Variants in ARHGAP6 observed in about 807,000 individuals in gnomAD.
ARHGAP6 encodes the protein rho GTPase-activating protein 6.
In ARHGAP6, 16 loss-of-function variants were observed where a neutral mutation model predicts 55.7. The ratio of observed to expected loss-of-function variants is 0.29; its 90% CI spans 0.19 to 0.44. The LOEUF (loss-of-function observed/expected upper bound fraction) is 0.44. Ranked by LOEUF, ARHGAP6 falls within the 20% of genes least tolerant of loss-of-function variation. The pLI is 1.00. For synonymous variants in ARHGAP6, 382 were observed against 360.9 expected, an observed-to-expected ratio of 1.06 and a Z score of -0.66; for missense variants, 698 against 808.9, an observed-to-expected ratio of 0.86 and a Z score of 1.66.
chrX:11,475,875 C>T (rs2147832513), intron 1 of ARHGAP6, among the ~76,000 whole-genome samples: 1 of 108,176 alleles, frequency 9.2e-6, no homozygotes, highest in East Asian at 2.9e-4. Context: ...TTTTAAAATT[C>T]CTACAAATAA....
intron 1 of ARHGAP6, among the ~76,000 whole-genome samples, chrX:11,590,874 GA>G (rs1255522298): frequency 2.0e-5 from 1 of 49,891 alleles, no homozygotes; most frequent in African/African-American, 9.3e-5. Flanking sequence ...AAGAAGGAAA[GA>G]AAGAAAGAAA....
chrX:11,367,744 A>G (rs918256997), intron 1 of ARHGAP6: 1 of 739,324 alleles, frequency 1.4e-6, no homozygotes, highest in African/African-American at 2.3e-5. Flanking sequence ...TGAATCACCC[A>G]GGAAGTTTGA....
intron 1 of ARHGAP6, among the ~76,000 whole-genome samples, chrX:11,522,218 T>C (rs1395493160): frequency 2.7e-5 from 3 of 111,182 alleles, no homozygotes; most frequent in African/African-American, 9.8e-5. Flanking sequence ...GCGGAATCTC[T>C]GGGACACATT....
chrX:11,272,597 G>A (rs967900507), intron 1 of ARHGAP6, among the ~76,000 whole-genome samples: 5 of 109,108 alleles, frequency 4.6e-5, no homozygotes, highest in African/African-American at 1.7e-4. Context: ...AGAGCATAAC[G>A]TGCCCTCATC....
intron 1 of ARHGAP6, among the ~76,000 whole-genome samples, chrX:11,507,863 G>A (rs1216018293): frequency 8.9e-6 from 1 of 112,156 alleles, no homozygotes; most frequent in Non-Finnish European, 1.9e-5. Context: ...CAGCCTCAGA[G>A]AGACTTCTAG....
chrX:11,157,979 C>G (rs1376545227), intron 9 of ARHGAP6, among the ~76,000 whole-genome samples: 1 of 112,100 alleles, frequency 8.9e-6, no homozygotes, highest in Non-Finnish European at 1.9e-5. Flanking sequence ...TACTAGACTT[C>G]ATCTCTGTTA....
chrX:11,578,723 T>A (rs5979422), intron 1 of ARHGAP6, among the ~76,000 whole-genome samples: 30,383 of 110,307 alleles, frequency 0.28, 3,260 homozygotes, highest in Middle Eastern at 0.39. Flanking sequence ...ATAAAGACAT[T>A]TGCACACGTA....
intron 1 of ARHGAP6, among the ~76,000 whole-genome samples, chrX:11,624,663 T>C (rs1320554594): frequency 8.9e-6 from 1 of 112,530 alleles, no homozygotes; most frequent in Admixed American, 9.4e-5. Context: ...GCCATTCTCC[T>C]GCCTCAGCCT....
At position 11,393,651 on chromosome X, in the gene ARHGAP6, C is replaced by G. The variant is rs1455176408; in HGVS notation, c.589-138944G>C. On this transcript the variant is annotated intron_variant, in intron 1 of 12. Coordinates refer to ENST00000337414, the MANE Select transcript of ARHGAP6 (RefSeq NM_013427.3). ...AATGCATTACCTGACTTATTTAATT[C>G]TGTCAATGATTCTCTGAGGTAGTGT... Among the ~76,000 whole-genome samples the G allele has an allele frequency of 4.5e-5, 5 of 110,956 alleles. No homozygotes were observed. In the Admixed American group the frequency reaches 4.8e-4, roughly 11 times the overall value.
intron 1 of ARHGAP6, chrX:11,427,938 G>A (rs2049905560): frequency 8.8e-6 from 3 of 340,276 alleles, no homozygotes; most frequent in African/African-American, 2.8e-5. Flanking sequence ...GGCGGCCGCC[G>A]CCGCTGACAG....
chrX:11,458,149 G>A (rs935188306), intron 1 of ARHGAP6, among the ~76,000 whole-genome samples: 1 of 112,444 alleles, frequency 8.9e-6, no homozygotes, highest in Admixed American at 9.4e-5. Flanking sequence ...AGAGTTATAT[G>A]ATGGTCCAAA....
At chrX:11,384,759 G>A (rs932795598) in intron 1 of ARHGAP6, among the ~76,000 whole-genome samples, 1 of 111,696 alleles carries the variant, frequency 9.0e-6, no homozygotes, top group African/African-American at 3.3e-5. Flanking sequence ...CTCTGGAGGT[G>A]GGGCTTGGGG....
intron 1 of ARHGAP6, among the ~76,000 whole-genome samples, chrX:11,316,201 A>G (rs1295569205): frequency 1.8e-5 from 2 of 112,291 alleles, no homozygotes; most frequent in East Asian, 2.8e-4. Context: ...CAGTAAAGAC[A>G]TAGGTTCTGC....
At chrX:11,590,858 A>G (rs866310114) in intron 1 of ARHGAP6, among the ~76,000 whole-genome samples, 9 of 23,860 alleles carry the variant, frequency 3.8e-4, no homozygotes, top group African/African-American at 1.2e-3. Flanking sequence ...AAAGAAAAGA[A>G]AAGAAAAGAA....
chrX:11,140,348 G>C (rs2045603607), intron 12 of ARHGAP6, among the ~76,000 whole-genome samples: 1 of 104,421 alleles, frequency 9.6e-6, no homozygotes, highest in African/African-American at 3.5e-5. Flanking sequence ...AACCCGGGAG[G>C]CGGAGCTTGC....
rs11372246 is a variant in ARHGAP6 at position 11,207,199 on chromosome X, C to CTT, written c.749-10205_749-10204dup. 3.8e-4 allele frequency among the ~76,000 whole-genome samples: 39 copies of CTT among 102,437 alleles called. No individual in the cohort carries two copies. The South Asian group carries it at 6.1e-3, about 16-fold the overall frequency. 89.0% of individuals were successfully genotyped at this position (102,437 alleles called of 115,157 possible). A position where few individuals can be genotyped will look rare whatever the true frequency, so the allele number is the denominator to read the frequency against. On this transcript the variant is annotated intron_variant, in intron 2 of 12. Coordinates refer to ENST00000337414, the MANE Select transcript of ARHGAP6 (RefSeq NM_013427.3). ...CGTTGTTATTCATTTTTTTCTTCTT[C>CTT]TTTTTTTTTTTAGATATGGGGGTCT...
chrX:11,329,228 G>T (rs1202616054), intron 1 of ARHGAP6, among the ~76,000 whole-genome samples: 1 of 111,877 alleles, frequency 8.9e-6, no homozygotes, highest in Non-Finnish European at 1.9e-5. Context: ...TGGTGCTAGA[G>T]AGATGATTCA....
chrX:11,268,967 G>A (rs765594229), intron 1 of ARHGAP6, among the ~76,000 whole-genome samples: 3 of 111,370 alleles, frequency 2.7e-5, no homozygotes, highest in Non-Finnish European at 5.7e-5. Context: ...CAGCGTGAAA[G>A]GTTTAGTTGC....
chrX:11,150,718 G>A (rs1284230965), intron 10 of ARHGAP6, among the ~76,000 whole-genome samples: 2 of 111,536 alleles, frequency 1.8e-5, no homozygotes, highest in East Asian at 2.8e-4. Context: ...GAGCCCAGGC[G>A]GTTGAGGCTG....
Sources: gnomAD v4.1 joint callset for allele counts (sites outside exome capture counted in the v4.1 genomes callset) on GRCh38, gnomAD v4.1.1 for gene constraint, MANE v1.5 for transcripts, NCBI Gene and HGNC (gene_info 2026-07-23, HGNC 2026-07-21) for gene names.